PSME4: variants seen among roughly 807,000 people sequenced by gnomAD.
The protein encoded by PSME4 is proteasome activator complex subunit 4.
Under a neutral mutation model 253.9 loss-of-function variants are expected in PSME4, and 89 were observed. The ratio of observed to expected loss-of-function variants is 0.35; its 90% CI spans 0.30 to 0.42. PSME4 has a LOEUF of 0.42. Ranked by LOEUF, PSME4 falls within the 10% of genes least tolerant of loss-of-function variation. The pLI is 1.00. For missense variants in PSME4, 2,014 were observed against 2,195.2 expected (o/e 0.92, Z 1.65); for synonymous variants, 851 against 759.2 (o/e 1.12, Z -1.99).
chr2:53,887,309 C>G lies in PSME4; in HGVS notation c.4679G>C (p.Gly1560Ala), dbSNP rs370442448. ...AGTTCGCTCATCTTCTTCACCAATT[C>G]CATTTTCTTCCATAACATGGTTCTG... ...EIQNHVMEENGIGEEDERTQG... is the reference protein window; with the variant it reads ...EIQNHVMEENAIGEEDERTQG... Residue 1560 changes from glycine (G) to alanine (A), a missense_variant, in exon 40 of 47, where the codon GGA (glycine) becomes GCA (alanine). Gly to Ala is a moderately conservative substitution (Grantham distance 60). Around this residue, in one of 4 missense-constraint regions of PSME4, gnomAD observed 403 missense variants for 556.1 expected, o/e 0.72. Coordinates refer to ENST00000404125, the MANE Select transcript of PSME4 (RefSeq NM_014614.3). 2.5e-6 allele frequency: 4 copies of G among 1,613,908 alleles called. No homozygotes were observed. In the East Asian group the frequency reaches 8.9e-5, roughly 36 times the overall value.
intron 24 of PSME4, 145 bp downstream of exon 24, chr2:53,908,175 T>C (rs1667654511): frequency 1.7e-6 from 1 of 601,952 alleles, no homozygotes; most frequent in Non-Finnish European, 2.8e-6. Flanking sequence ...ATTTCTACCA[T>C]GATGTTTTTA....
Position 53,949,184 on chromosome 2 carries a change from G to C in PSME4, c.342C>G (p.Ser114Arg), listed in dbSNP as rs1669859114. ...ELVSIPKLEI[S>R]MMQGFARLLI... is the part of the protein sequence containing the mutation. ...AAAGGCGGGCAAATCCCTGCATCAT[G>C]CTGATTTCCAGTTTTGGAATTGATA... Residue 114 changes from serine to arginine, a missense_variant, in exon 2 of 47, where the codon AGC (serine) becomes AGG (arginine). Transcript: ENST00000404125. The C allele has an allele frequency of 1.2e-6, 2 of 1,610,350 alleles. No homozygotes were observed. The highest frequency in any genetic ancestry group is 1.7e-6 in the Non-Finnish European group (2 of 1,178,158).
intron 16 of PSME4, 41 bp from the exon 17 acceptor site, chr2:53,922,625 AT>A (rs758762670): frequency 6.3e-7 from 1 of 1,587,470 alleles, no homozygotes; most frequent in African/African-American, 1.4e-5. Flanking sequence ...AAACCTATGC[AT>A]TCAACTAAAT....
rs746036882 is a variant in PSME4 at position 53,901,334 on chromosome 2, G to A, written c.3285+16C>T. 2.5e-6 allele frequency: 4 copies of A among 1,586,186 alleles called. No homozygotes were observed. In the South Asian group the frequency reaches 4.4e-5, roughly 18 times the overall value. On this transcript the variant is annotated intron_variant, in intron 28 of 46. Coordinates refer to ENST00000404125, the MANE Select transcript of PSME4 (RefSeq NM_014614.3). ...GATTTACACTAAAACTTGAATGAAA[G>A]AATGATATTGCTTACTGTGAAGTCC...
intron 43 of PSME4, 33 bp downstream of exon 43, chr2:53,874,306 C>T (rs371028594): frequency 1.4e-5 from 22 of 1,586,856 alleles, no homozygotes; most frequent in Non-Finnish European, 1.8e-5. Flanking sequence ...TTTAAATTGA[C>T]TGAATTTCCG....
In PSME4 at chr2:53,970,744, T is replaced by C; in HGVS notation, c.41A>G (p.Glu14Gly). 1.3e-6 allele frequency: 2 copies of C among 1,545,116 alleles called. No individual in the cohort carries two copies. Among genetic ancestry groups the C allele is most frequent in the Non-Finnish European group, 1.7e-6 (2 of 1,145,246 alleles). ...GCCCGGCTCGGGACGCCCGCCCGGC[T>C]CCGGGGGCTCTCCGACTCCCGCCCG... ...AERAGVGEPP[E>G]PGGRPEPGPR... Residue 14 changes from glutamate to glycine, a missense_variant, in exon 1 of 47, where the codon GAG becomes GGG. Transcript: ENST00000404125.
In PSME4 at chr2:53,920,245, G is replaced by A. The variant is rs747916359; in HGVS notation, c.2368C>T (p.Pro790Ser). The change falls in exon 19 of 47, where the codon CCT becomes TCT. Residue 790 changes from proline to serine, a missense_variant. Physicochemically the swap from Pro to Ser is moderately conservative, Grantham distance 74 (BLOSUM62 -1). Transcript: ENST00000404125. ...AFYLLDSFLQ[P>S]ELVKLQHCGD... Reference sequence around the variant, plus strand: ...CAATGCTGGAGTTTGACGAGCTCAGGCTGAAGAAAGGAGTCCAAAAGATAA... The same window carrying A: ...CAATGCTGGAGTTTGACGAGCTCAGACTGAAGAAAGGAGTCCAAAAGATAA... The A allele has an allele frequency of 6.2e-7, 1 of 1,613,598 alleles. No individual in the cohort carries two copies. The highest frequency in any genetic ancestry group is 8.5e-7 in the Non-Finnish European group (1 of 1,179,708).
chr2:53,947,985 C>T (rs953711784), intron 3 of PSME4, among the ~76,000 whole-genome samples: 2 of 152,246 alleles, frequency 1.3e-5, no homozygotes, highest in Middle Eastern at 3.4e-3. Context: ...CACTGCACTC[C>T]AGCCTGAGCG....
chr2:53,942,113 A>G (rs1488076901), intron 3 of PSME4: 1 of 152,586 alleles, frequency 6.6e-6, no homozygotes, highest in African/African-American at 2.4e-5. Flanking sequence ...GGCCTGTACC[A>G]TTGGATTTAT....
At chr2:53,900,661 CAATT>C (rs1394541770) in intron 28 of PSME4, among the ~76,000 whole-genome samples, 4 of 152,158 alleles carry the variant, frequency 2.6e-5, no homozygotes, top group Non-Finnish European at 5.9e-5. Context: ...AATTACATCT[CAATT>C]AAAATTTTTC....
At chr2:53,895,374 C>G (rs893489968) in intron 33 of PSME4, among the ~76,000 whole-genome samples, 1 of 152,026 alleles carries the variant, frequency 6.6e-6, no homozygotes, top group Non-Finnish European at 1.5e-5. Context: ...AGCCATATAA[C>G]CATGGGATTC....
At chr2:53,922,994 C>T in intron 16 of PSME4, 55 bp downstream of exon 16, 1 of 1,319,502 alleles carries the variant, frequency 7.6e-7, no homozygotes, top group Non-Finnish European at 1.0e-6. Flanking sequence ...TTTTAGAAAC[C>T]AAGAAAAAAA....
At chr2:53,882,783 C>A (rs984487965) in intron 41 of PSME4, among the ~76,000 whole-genome samples, 6 of 151,946 alleles carry the variant, frequency 3.9e-5, no homozygotes, top group Non-Finnish European at 5.9e-5. Context: ...TATCTACTTA[C>A]TGACATGGAA....
At chr2:53,939,143 T>A (rs1303789239) in intron 4 of PSME4, among the ~76,000 whole-genome samples, 4 of 152,162 alleles carry the variant, frequency 2.6e-5, no homozygotes, top group Non-Finnish European at 5.9e-5. Flanking sequence ...GAGACAGATA[T>A]CTCATATTCC....
At chr2:53,944,227 T>C (rs1669595430) in intron 3 of PSME4, among the ~76,000 whole-genome samples, 1 of 152,140 alleles carries the variant, frequency 6.6e-6, no homozygotes, top group Non-Finnish European at 1.5e-5. Flanking sequence ...GGGATGATCT[T>C]GGCTCATTGC....
At position 53,925,652 on chromosome 2, in the gene PSME4, T is replaced by C; in HGVS notation, c.1696A>G (p.Thr566Ala). The C allele has an allele frequency of 6.2e-7, 1 of 1,611,014 alleles. No homozygotes were observed. Among genetic ancestry groups the C allele is most frequent in the Non-Finnish European group, 8.5e-7 (1 of 1,177,340 alleles). Residue 566 changes from threonine to alanine, a missense_variant, in exon 14 of 47, where the codon ACA (threonine) becomes GCA (alanine). Coordinates refer to ENST00000404125, the MANE Select transcript of PSME4 (RefSeq NM_014614.3). The stretch of plus-strand genomic sequence containing the variant: ...TTCTCAGTTTCTGTCTCTTCTCTTG[T>C]TTGCTCCAATGTGCTACTTTCTATA... ...GLIESSTLEQ[T>A]REETETEKMT...
intron 26 of PSME4, among the ~76,000 whole-genome samples, chr2:53,904,826 T>C (rs1422874629): frequency 6.6e-6 from 1 of 151,490 alleles, no homozygotes; most frequent in Non-Finnish European, 1.5e-5. Flanking sequence ...CCGTCTCTAC[T>C]AAAAATACAA....
chr2:53,870,952 A>G (rs1269911520), intron 43 of PSME4: 1 of 152,074 alleles, frequency 6.6e-6, no homozygotes, highest in Non-Finnish European at 1.5e-5. Flanking sequence ...ATATTTTCTT[A>G]GAATAGATTA....
chr2:53,885,621 C>T (rs1558652024), intron 41 of PSME4, 69 bp downstream of exon 41: 1 of 1,153,374 alleles, frequency 8.7e-7, no homozygotes, highest in Non-Finnish European at 1.3e-6. Context: ...CTTCAACCAT[C>T]AGATGATGAA....
Sources: gnomAD v4.1 joint callset for allele counts (sites outside exome capture counted in the v4.1 genomes callset) on GRCh38, gnomAD v4.1.1 for gene constraint, gnomAD v4.1.1 regional missense constraint, MANE v1.5 for transcripts, NCBI Gene and HGNC (gene_info 2026-07-23, HGNC 2026-07-21) for gene names.